Variants in TTC28 observed in about 807,000 individuals in gnomAD.
The protein encoded by TTC28 is tetratricopeptide repeat protein 28.
Under a neutral mutation model 198.0 loss-of-function variants are expected in TTC28, and 61 were observed. The ratio of observed to expected loss-of-function variants is 0.31; its 90% CI spans 0.25 to 0.38. The LOEUF (loss-of-function observed/expected upper bound fraction) is 0.38. Ranked by LOEUF, TTC28 falls within the 10% of genes least tolerant of loss-of-function variation. The pLI is 1.00. For missense variants in TTC28, 2,678 were observed against 3,164.0 expected, an observed-to-expected ratio of 0.85 and a Z score of 3.69; for synonymous variants, 1,171 against 1,297.8, an observed-to-expected ratio of 0.90 and a Z score of 2.10.
intron 1 of TTC28, among the ~76,000 whole-genome samples, chr22:28,630,490 T>C (rs1329732168): frequency 2.0e-5 from 3 of 152,130 alleles, no homozygotes; most frequent in Non-Finnish European, 4.4e-5. Context: ...TTGTTGTTGT[T>C]GTTTTTGTAG....
intron 2 of TTC28, among the ~76,000 whole-genome samples, chr22:28,550,382 C>T (rs568616243): frequency 3.2e-4 from 49 of 152,208 alleles, no homozygotes; most frequent in African/African-American, 1.1e-3. Flanking sequence ...GCTACATCTC[C>T]TTAAAGACAA....
chr22:28,352,889 G>A (rs1000187186), intron 2 of TTC28, among the ~76,000 whole-genome samples: 7 of 152,118 alleles, frequency 4.6e-5, no homozygotes, highest in Middle Eastern at 3.4e-3. Context: ...ATAAAGAAAG[G>A]AAGAGAGGTA....
intron 2 of TTC28, 44 bp from the exon 3 acceptor site, chr22:28,306,687 A>C (rs2045153557): frequency 6.5e-7 from 1 of 1,542,218 alleles, no homozygotes; most frequent in African/African-American, 1.4e-5. Flanking sequence ...CTGTGCTCCA[A>C]CAAGGCTGAT....
At chr22:28,216,207 G>A (rs1927388373) in intron 5 of TTC28, among the ~76,000 whole-genome samples, 1 of 152,186 alleles carries the variant, frequency 6.6e-6, no homozygotes, top group Non-Finnish European at 1.5e-5. Flanking sequence ...AAGGCTTAGA[G>A]TACACTATGA....
intron 2 of TTC28, among the ~76,000 whole-genome samples, chr22:28,611,505 ATTT>A (rs59329098): frequency 1.0e-3 from 83 of 81,612 alleles, no homozygotes; most frequent in South Asian, 8.6e-3. Flanking sequence ...CTTTTTTTTA[ATTT>A]TTTTTTTTTT....
At chr22:28,507,914 A>C (rs1343295484) in intron 2 of TTC28, among the ~76,000 whole-genome samples, 3 of 152,210 alleles carry the variant, frequency 2.0e-5, no homozygotes, top group Admixed American at 2.0e-4. Context: ...GGAAGCACTA[A>C]ATATGGAAAG....
At chr22:28,456,096 T>G (rs1323356869) in intron 2 of TTC28, among the ~76,000 whole-genome samples, 2 of 150,428 alleles carry the variant, frequency 1.3e-5, no homozygotes, top group East Asian at 3.9e-4. Context: ...GAGGTGGAGG[T>G]TGCAGTGAGC....
intron 6 of TTC28, among the ~76,000 whole-genome samples, chr22:28,160,732 G>A (rs1172383342): frequency 6.6e-6 from 1 of 152,174 alleles, no homozygotes; most frequent in Non-Finnish European, 1.5e-5. Context: ...AGTGGGACAA[G>A]GGAAGATATT....
chr22:28,499,313 C>T (rs571707631), intron 2 of TTC28, among the ~76,000 whole-genome samples: 54 of 152,012 alleles, frequency 3.6e-4, no homozygotes, highest in Admixed American at 6.6e-4. Flanking sequence ...TTTCAAATAT[C>T]TAAAAGAAAA....
intron 5 of TTC28, among the ~76,000 whole-genome samples, chr22:28,293,523 T>C (rs1015196800): frequency 6.6e-5 from 10 of 152,082 alleles, no homozygotes; most frequent in African/African-American, 2.4e-4. Context: ...TTCAGTTATG[T>C]AGGATAAATA....
chr22:28,670,843 C>G (rs1379348102), intron 1 of TTC28, among the ~76,000 whole-genome samples: 1 of 151,978 alleles, frequency 6.6e-6, no homozygotes, highest in Non-Finnish European at 1.5e-5. Flanking sequence ...GCTCCAATTT[C>G]TCCACATCCT....
At chr22:28,528,039 C>A (rs758171736) in intron 2 of TTC28, among the ~76,000 whole-genome samples, 2 of 152,154 alleles carry the variant, frequency 1.3e-5, no homozygotes, top group Non-Finnish European at 2.9e-5. Flanking sequence ...ACCTTGATAA[C>A]CTTATCTAAT....
intron 2 of TTC28, among the ~76,000 whole-genome samples, chr22:28,595,056 T>G (rs1397447394): frequency 6.6e-6 from 1 of 152,236 alleles, no homozygotes; most frequent in African/African-American, 2.4e-5. Context: ...AGGCCTTTCA[T>G]AAATAATCTT....
At chr22:28,097,433 T>C (rs1942010748) in intron 10 of TTC28, among the ~76,000 whole-genome samples, 1 of 152,224 alleles carries the variant, frequency 6.6e-6, no homozygotes, top group African/African-American at 2.4e-5. Flanking sequence ...GAAAAGAGTT[T>C]AACCTCTAAG....
intron 2 of TTC28, among the ~76,000 whole-genome samples, chr22:28,431,522 G>A (rs559815453): frequency 2.0e-5 from 3 of 152,200 alleles, no homozygotes; most frequent in South Asian, 4.1e-4. Context: ...AACTCTACTT[G>A]TACATGTAAT....
intron 6 of TTC28, among the ~76,000 whole-genome samples, chr22:28,119,320 A>G (rs1040963485): frequency 3.3e-5 from 5 of 152,208 alleles, no homozygotes; most frequent in Non-Finnish European, 7.3e-5. Flanking sequence ...ATAGTCCTCA[A>G]TATTACAAAT....
intron 2 of TTC28, among the ~76,000 whole-genome samples, chr22:28,563,238 G>C (rs919235562): frequency 2.6e-5 from 4 of 152,162 alleles, no homozygotes; most frequent in Admixed American, 6.5e-5. Flanking sequence ...CATTGAAAAT[G>C]TATATTTGTC....
chr22:28,085,346 G>A (rs559115829), intron 12 of TTC28, among the ~76,000 whole-genome samples: 25 of 152,194 alleles, frequency 1.6e-4, no homozygotes, highest in Admixed American at 6.5e-4. Context: ...AAGAGAGTGG[G>A]GGCCAATATT....
chr22:28,323,877 A>T (rs2045484702), intron 2 of TTC28, among the ~76,000 whole-genome samples: 1 of 152,238 alleles, frequency 6.6e-6, no homozygotes, highest in Non-Finnish European at 1.5e-5. Flanking sequence ...GCAGGAGAAA[A>T]TAAATAACAT....
Sources: allele counts gnomAD v4.1 joint callset (sites outside exome capture counted in the v4.1 genomes callset), GRCh38; gene constraint gnomAD v4.1.1; transcripts MANE v1.5; gene names NCBI Gene and HGNC (gene_info 2026-07-23, HGNC 2026-07-21).